The following KRTAP5-8 variants were observed in gnomAD, a reference collection of about 807,000 sequenced individuals.
KRTAP5-8 encodes the protein keratin-associated protein 5-8.
In KRTAP5-8, 2 loss-of-function variants were observed where a neutral mutation model predicts 2.7. The ratio of observed to expected loss-of-function variants is 0.75; its 90% confidence interval spans 0.30 to 2.35. The LOEUF (loss-of-function observed/expected upper bound fraction) is 2.35, where lower values mean the gene tolerates loss of function less well. Among genes scored for constraint, KRTAP5-8 ranks in the 30% most tolerant of loss-of-function variants. The pLI is 0.12. For synonymous variants in KRTAP5-8, 62 were observed against 89.1 expected, an observed-to-expected ratio of 0.70 and a Z score of 1.71; for missense variants, 183 against 227.2, an observed-to-expected ratio of 0.81 and a Z score of 1.25.
chr11:71,538,714 C>G lies in KRTAP5-8; in HGVS notation c.*95C>G. 1 of 1,603,524 alleles carries G rather than the reference C, an allele frequency of 6.2e-7. No individual in the cohort carries two copies. The highest frequency in any genetic ancestry group is 8.5e-7 in the Non-Finnish European group (1 of 1,174,144). On this transcript the variant is annotated 3_prime_UTR_variant, in exon 1 of 1. Coordinates refer to ENST00000398534, the MANE Select transcript of KRTAP5-8 (RefSeq NM_021046.3). ...GAATTCCTGAAGCACATCTCTGAGT[C>G]TGTCCTCCTCTGGACTAAGGCAGCC... is the stretch of plus-strand genomic sequence containing the variant.
chr11:71,538,040 T>G lies in KRTAP5-8; in HGVS notation c.-16T>G. On this transcript the variant is annotated 5_prime_UTR_variant, in exon 1 of 1. Transcript: ENST00000398534. ...ACCTGCTCCTCTACCTGCTCCACCC[T>G]CAACCCACCAGAACCATGGGCTGCT... The G allele has an allele frequency of 6.2e-7, 1 of 1,604,716 alleles. No homozygotes were observed. Among genetic ancestry groups the G allele is most frequent in the Non-Finnish European group, 8.5e-7 (1 of 1,177,584 alleles).
At position 71,538,795 on chromosome 11, in the gene KRTAP5-8, G is replaced by A; in HGVS notation, c.*176G>A. The A allele has an allele frequency of 1.5e-6, 2 of 1,337,740 alleles. No homozygotes were observed. The highest frequency in any genetic ancestry group is 2.4e-5 in the East Asian group (1 of 41,996). 82.9% of individuals were successfully genotyped at this position (1,337,740 alleles called of 1,614,324 possible). On this transcript the variant is annotated 3_prime_UTR_variant, in exon 1 of 1. Transcript: ENST00000398534. ...AGCCTCTGAGGTCATGAGGGCTTCT[G>A]GCATGCTGGGTGCTGCCCATCAACC...
At position 71,539,054 on chromosome 11, in the gene KRTAP5-8, A is replaced by G; in HGVS notation, c.*435A>G. On this transcript the variant is annotated 3_prime_UTR_variant, in exon 1 of 1. Transcript: ENST00000398534. Reference sequence around the variant, plus strand: ...ATTGTTTTTGGAGTTGACCTAGAGGACTCAGAATTATTAGAGACCCCAGGA... The same window carrying G: ...ATTGTTTTTGGAGTTGACCTAGAGGGCTCAGAATTATTAGAGACCCCAGGA... 1 of 286,724 alleles carries G rather than the reference A, an allele frequency of 3.5e-6. No homozygotes were observed. The highest frequency in any genetic ancestry group is 7.0e-6 in the Non-Finnish European group (1 of 142,584). 17.8% of individuals were successfully genotyped at this position (286,724 alleles called of 1,614,324 possible). A position where few individuals can be genotyped will look rare whatever the true frequency, so the allele number is the denominator to read the frequency against.
chr11:71,538,195 G>T lies in KRTAP5-8; in HGVS notation c.140G>T (p.Cys47Phe). 6.2e-7 allele frequency: 1 copy of T among 1,612,960 alleles called. No homozygotes were observed. Among genetic ancestry groups the T allele is most frequent in the Non-Finnish European group, 8.5e-7 (1 of 1,179,898 alleles). The change falls in exon 1 of 1, where the codon TGC becomes TTC. Residue 47 changes from cysteine (C) to phenylalanine (F), a missense_variant. Around this residue, in one of 2 missense-constraint regions of KRTAP5-8, gnomAD observed 113 missense variants for 109.3 expected, o/e 1.03. Transcript: ENST00000398534. ...TGCTGCTGTGTGCCAGCCTGTTCCT[G>T]CTCCAGCTGTGGCTCCTGTGGGGGC... ...PVCCCVPACS[C>F]SSCGSCGGSK...
rs55848980 is a variant in KRTAP5-8, at chr11:71,538,079, A to AGGCTGTGGCTCCGGCTGTGGG, written c.30_50dup (p.Gly20_Ser26dup). The AGGCTGTGGCTCCGGCTGTGGG allele has an allele frequency of 0.42, 623,362 of 1,500,386 alleles. 152,617 individuals are homozygous for AGGCTGTGGCTCCGGCTGTGGG. The highest frequency in any genetic ancestry group is 0.61 in the East Asian group (26,130 of 42,772). 92.9% of individuals were successfully genotyped at this position (1,500,386 alleles called of 1,614,324 possible). ...CCATGGGCTGCTGTGGCTGCTCTGG[A>AGGCTGTGGCTCCGGCTGTGGG]GGCTGTGGCTCCGGCTGTGGGGGCT... On this transcript the variant is annotated inframe_insertion, in exon 1 of 1. Transcript: ENST00000398534.
In KRTAP5-8 at chr11:71,538,591, T is replaced by C. The variant is rs1950061837; in HGVS notation, c.536T>C (p.Val179Ala). ...KPCCSQSSCC[V>A]PICCQCKI ...TGCTGTTCCCAGTCCAGCTGCTGTG[T>C]CCCAATTTGCTGCCAGTGCAAGATC... The change falls in exon 1 of 1, where the codon GTC becomes GCC. Residue 179 changes from valine to alanine, a missense_variant. Transcript: ENST00000398534. 2 of 1,581,124 alleles carry C rather than the reference T, an allele frequency of 1.3e-6. No individual in the cohort carries two copies. The highest frequency in any genetic ancestry group is 3.4e-5 in the Admixed American group (2 of 58,296).
At position 71,539,183 on chromosome 11, in the gene KRTAP5-8, C is replaced by T; in HGVS notation, c.*564C>T. On this transcript the variant is annotated 3_prime_UTR_variant, in exon 1 of 1. Transcript: ENST00000398534. Reference sequence around the variant, plus strand: ...CTTGTAAGTGCCTAGGCTGAATCTTCTAAATAAATACGATCCACACCTCCC... The same window carrying T: ...CTTGTAAGTGCCTAGGCTGAATCTTTTAAATAAATACGATCCACACCTCCC... 5 of 176,918 alleles carry T rather than the reference C, an allele frequency of 2.8e-5. No individual in the cohort carries two copies. The highest frequency in any genetic ancestry group is 2.3e-4 in the Admixed American group (4 of 17,426). The allele number at this position is 176,918 out of a possible 1,614,324, so 11.0% of individuals were successfully genotyped here. A position where few individuals can be genotyped will look rare whatever the true frequency, so the allele number is the denominator to read the frequency against.
At position 71,538,708 on chromosome 11, in the gene KRTAP5-8, C is replaced by CT; in HGVS notation, c.*90dup. The CT allele has an allele frequency of 1.2e-6, 2 of 1,607,834 alleles. No individual in the cohort carries two copies. The highest frequency in any genetic ancestry group is 2.2e-5 in the East Asian group (1 of 44,852). On this transcript the variant is annotated 3_prime_UTR_variant, in exon 1 of 1. Coordinates refer to ENST00000398534, the MANE Select transcript of KRTAP5-8 (RefSeq NM_021046.3). ...TGTCCTGAATTCCTGAAGCACATCTCTGAGTCTGTCCTCCTCTGGACTAAG... is the reference window on the plus strand; with the variant it reads ...TGTCCTGAATTCCTGAAGCACATCTCTTGAGTCTGTCCTCCTCTGGACTAAG...
At position 71,538,070 on chromosome 11, in the gene KRTAP5-8, C is replaced by G; in HGVS notation, c.15C>G (p.Gly5=). The G allele has an allele frequency of 6.2e-7, 1 of 1,612,506 alleles. No individual in the cohort carries two copies. Among genetic ancestry groups the G allele is most frequent in the Non-Finnish European group, 8.5e-7 (1 of 1,179,864 alleles). MGCC[G]CSGGCGSGCG... ...CCACCAGAACCATGGGCTGCTGTGG[C>G]TGCTCTGGAGGCTGTGGCTCCGGCT... Residue 5 remains glycine, a synonymous_variant, in exon 1 of 1, where the codon GGC becomes GGG. Coordinates refer to ENST00000398534, the MANE Select transcript of KRTAP5-8 (RefSeq NM_021046.3).
chr11:71,538,714 C>T lies in KRTAP5-8; in HGVS notation c.*95C>T. ...GAATTCCTGAAGCACATCTCTGAGT[C>T]TGTCCTCCTCTGGACTAAGGCAGCC... On this transcript the variant is annotated 3_prime_UTR_variant, in exon 1 of 1. Coordinates refer to ENST00000398534, the MANE Select transcript of KRTAP5-8 (RefSeq NM_021046.3). 1 of 1,603,524 alleles carries T rather than the reference C, an allele frequency of 6.2e-7. No individual in the cohort carries two copies. The highest frequency in any genetic ancestry group is 8.5e-7 in the Non-Finnish European group (1 of 1,174,144).
At position 71,538,343 on chromosome 11, in the gene KRTAP5-8, C is replaced by T. The variant is rs774020725; in HGVS notation, c.288C>T (p.Cys96=). ...GCAGCTGCTATAAGCCCTGCTGTTGCTCCTCAGGCTGTGGGTCATCCTGCT... is the reference window on the plus strand; with the variant it reads ...GCAGCTGCTATAAGCCCTGCTGTTGTTCCTCAGGCTGTGGGTCATCCTGCT... ...SQCSCYKPCC[C]SSGCGSSCCQ... is the part of the protein sequence containing the mutation. The change falls in exon 1 of 1, where the codon TGC becomes TGT. Residue 96 remains cysteine, a synonymous_variant. Coordinates refer to ENST00000398534, the MANE Select transcript of KRTAP5-8 (RefSeq NM_021046.3). 3 of 1,600,536 alleles carry T rather than the reference C, an allele frequency of 1.9e-6. No individual in the cohort carries two copies. The South Asian group carries it at 3.3e-5, about 18-fold the overall frequency.
chr11:71,539,018 C>G lies in KRTAP5-8; in HGVS notation c.*399C>G, dbSNP rs1399919459. 2.8e-6 allele frequency: 1 copy of G among 352,490 alleles called. No homozygotes were observed. Among genetic ancestry groups the G allele is most frequent in the Admixed American group, 4.3e-5 (1 of 23,186 alleles). The allele number at this position is 352,490 out of a possible 1,614,324, so 21.8% of individuals were successfully genotyped here. A position where few individuals can be genotyped will look rare whatever the true frequency, so the allele number is the denominator to read the frequency against. On this transcript the variant is annotated 3_prime_UTR_variant, in exon 1 of 1. Coordinates refer to ENST00000398534, the MANE Select transcript of KRTAP5-8 (RefSeq NM_021046.3). ...CTTCATCTTCATCCTGCCTGAGCTG[C>G]CACAGCTCCGATTGTTTTTGGAGTT... is the stretch of plus-strand genomic sequence containing the variant.
rs1950062615 is a variant in KRTAP5-8, at chr11:71,538,697, G to A, written c.*78G>A. ...GACTGTAGCTGTGTCCTGAATTCCT[G>A]AAGCACATCTCTGAGTCTGTCCTCC... On this transcript the variant is annotated 3_prime_UTR_variant, in exon 1 of 1. Transcript: ENST00000398534. The A allele has an allele frequency of 8.0e-5, 129 of 1,611,034 alleles. No individual in the cohort carries two copies. The South Asian group carries it at 1.4e-3, about 17-fold the overall frequency.
At position 71,538,432 on chromosome 11, in the gene KRTAP5-8, C is replaced by T. The variant is rs1342343860; in HGVS notation, c.377C>T (p.Ser126Phe). ...AGCTGTTGTAAGCCCTGCAGCTGCT[C>T]TTCAGGCTGTGGGTCATCCTGCTGC... is the stretch of plus-strand genomic sequence containing the variant. ...QSSCCKPCSC[S>F]SGCGSSCCQS... Residue 126 changes from serine (S) to phenylalanine (F), a missense_variant, in exon 1 of 1, where the codon TCT becomes TTT. Physicochemically the swap from Ser to Phe is radical, Grantham distance 155 (BLOSUM62 -2). Around this residue, in one of 2 missense-constraint regions of KRTAP5-8, gnomAD observed 70 missense variants for 117.9 expected, o/e 0.59. Coordinates refer to ENST00000398534, the MANE Select transcript of KRTAP5-8 (RefSeq NM_021046.3). 6.2e-7 allele frequency: 1 copy of T among 1,611,958 alleles called. No homozygotes were observed. The highest frequency in any genetic ancestry group is 8.5e-7 in the Non-Finnish European group (1 of 1,179,370).
chr11:71,538,902 C>T lies in KRTAP5-8; in HGVS notation c.*283C>T. The T allele has an allele frequency of 9.4e-6, 6 of 639,324 alleles. No homozygotes were observed. In the South Asian group the frequency reaches 1.2e-4, roughly 13 times the overall value. 39.6% of individuals were successfully genotyped at this position (639,324 alleles called of 1,614,324 possible). A position where few individuals can be genotyped will look rare whatever the true frequency, so the allele number is the denominator to read the frequency against. The stretch of plus-strand genomic sequence containing the variant: ...CAAGATCCCACATCCCTGGGCCCCT[C>T]CTGTGAGCCTGCTGGAAACACACTG... On this transcript the variant is annotated 3_prime_UTR_variant, in exon 1 of 1. Transcript: ENST00000398534.
At position 71,538,400 on chromosome 11, in the gene KRTAP5-8, C is replaced by A. The variant is rs778022898; in HGVS notation, c.345C>A (p.Ser115=). The change falls in exon 1 of 1, where the codon TCC becomes TCA. Residue 115 remains serine (S), a synonymous_variant. Transcript: ENST00000398534. ...CCAGCTGCTGCAAACCCTGCTGTTC[C>A]CAGTCCAGCTGTTGTAAGCCCTGCA... ...CQSSCCKPCC[S]QSSCCKPCSC... is the part of the protein sequence containing the mutation. The A allele has an allele frequency of 6.2e-7, 1 of 1,611,948 alleles. No individual in the cohort carries two copies. Among genetic ancestry groups the A allele is most frequent in the South Asian group, 1.1e-5 (1 of 90,856 alleles).
At position 71,538,306 on chromosome 11, in the gene KRTAP5-8, G is replaced by T; in HGVS notation, c.251G>T (p.Gly84Val). 1.9e-6 allele frequency: 3 copies of T among 1,614,008 alleles called. No homozygotes were observed. Among genetic ancestry groups the T allele is most frequent in the Non-Finnish European group, 1.7e-6 (2 of 1,179,976 alleles). The change falls in exon 1 of 1, where the codon GGC (glycine) becomes GTC (valine). Residue 84 changes from glycine to valine, a missense_variant. By Grantham distance (109) the Gly-to-Val change is moderately radical. Around this residue, in one of 2 missense-constraint regions of KRTAP5-8, gnomAD observed 113 missense variants for 109.3 expected, o/e 1.03. Coordinates refer to ENST00000398534, the MANE Select transcript of KRTAP5-8 (RefSeq NM_021046.3). ...GGSKGGCGSC[G>V]CSQCSCYKPC... ...TCCAAGGGAGGCTGTGGTTCTTGTG[G>T]CTGCTCCCAGTGCAGCTGCTATAAG...
Position 71,538,166 on chromosome 11 carries a change from C to A in KRTAP5-8, c.111C>A (p.Pro37=), listed in dbSNP as rs373767342. ...SCCVPICCCK[P]VCCCVPACSC... ...GTGTGCCCATCTGCTGCTGCAAGCC[C>A]GTGTGCTGCTGTGTGCCAGCCTGTT... The change falls in exon 1 of 1, where the codon CCC becomes CCA. Residue 37 remains proline (P), a synonymous_variant. Coordinates refer to ENST00000398534, the MANE Select transcript of KRTAP5-8 (RefSeq NM_021046.3). 1.3e-4 allele frequency: 203 copies of A among 1,612,060 alleles called. No homozygotes were observed. The highest frequency in any genetic ancestry group is 1.7e-4 in the Non-Finnish European group (196 of 1,179,616).
In KRTAP5-8 at chr11:71,538,979, C is replaced by G. The variant is rs565676975; in HGVS notation, c.*360C>G. 2.2e-6 allele frequency: 1 copy of G among 444,962 alleles called. No individual in the cohort carries two copies. The highest frequency in any genetic ancestry group is 2.0e-5 in the African/African-American group (1 of 50,434). The allele number at this position is 444,962 out of a possible 1,614,324, so 27.6% of individuals were successfully genotyped here. A position where few individuals can be genotyped will look rare whatever the true frequency, so the allele number is the denominator to read the frequency against. ...GCCTCTCCCCGGTCCCTGCAACCTCCTGGCTCCTCCACCCTTCATCTTCAT... is the reference window on the plus strand; with the variant it reads ...GCCTCTCCCCGGTCCCTGCAACCTCGTGGCTCCTCCACCCTTCATCTTCAT... On this transcript the variant is annotated 3_prime_UTR_variant, in exon 1 of 1. Coordinates refer to ENST00000398534, the MANE Select transcript of KRTAP5-8 (RefSeq NM_021046.3).
Sources: allele counts gnomAD v4.1 joint callset, GRCh38; gene constraint gnomAD v4.1.1; regional missense constraint gnomAD v4.1.1; transcripts MANE v1.5; gene names NCBI Gene and HGNC (gene_info 2026-07-23, HGNC 2026-07-21).